Variants in KCNK17 observed in about 807,000 individuals in gnomAD.
KCNK17 encodes potassium two pore domain channel subfamily K member 17.
A neutral mutation model predicts 24.6 loss-of-function variants in KCNK17; 27 were observed. The ratio of observed to expected loss-of-function variants is 1.10; its 90% confidence interval spans 0.81 to 1.51. KCNK17 has a LOEUF of 1.51. KCNK17 is among the 40% of genes most tolerant of loss of function. The probability of loss-of-function intolerance (pLI) is 0.00; values close to 1 mark genes in which losing one functional copy is unlikely to be tolerated. For missense variants in KCNK17, 450 were observed against 436.6 expected (o/e 1.03, Z -0.27); for synonymous variants, 181 against 189.8 (o/e 0.95, Z 0.38).
At chr6:39,311,894 C>A (rs1194654875) in intron 1 of KCNK17, among the ~76,000 whole-genome samples, 1 of 152,202 alleles carries the variant, frequency 6.6e-6, no homozygotes, top group African/African-American at 2.4e-5. Flanking sequence ...TGAGGCCAAG[C>A]TGTGCTTGGC....
At chr6:39,313,042 G>A (rs1016286875) in intron 1 of KCNK17, among the ~76,000 whole-genome samples, 2 of 152,194 alleles carry the variant, frequency 1.3e-5, no homozygotes, top group African/African-American at 4.8e-5. Flanking sequence ...GACTCTGGAC[G>A]GATAAGCCAC....
intron 2 of KCNK17, among the ~76,000 whole-genome samples, chr6:39,306,976 A>G (rs1296092256): frequency 6.6e-6 from 1 of 151,844 alleles, no homozygotes; most frequent in Non-Finnish European, 1.5e-5. Flanking sequence ...GTTGGCCAGG[A>G]TGGTCTCAAT....
chr6:39,304,570 C>T lies in KCNK17; in HGVS notation c.438G>A (p.Val146=), dbSNP rs1038555535. 1 of 1,614,144 alleles carries T rather than the reference C, an allele frequency of 6.2e-7. No homozygotes were observed. Among genetic ancestry groups the T allele is most frequent in the South Asian group, 1.1e-5 (1 of 91,082 alleles). The part of the protein sequence containing the change: ...FALVGIPLNL[V]VLNRLGHLMQ... ...TGAGATGCCCCAGTCGGTTGAGCAC[C>T]ACGAGGTTGAGTGGGATCCCCACAA... The change falls in exon 3 of 5, where the codon GTG becomes GTA. Residue 146 remains valine (V), a synonymous_variant. Transcript: ENST00000373231.
intron 1 of KCNK17, among the ~76,000 whole-genome samples, chr6:39,312,594 G>A (rs1185203964): frequency 6.6e-6 from 1 of 152,168 alleles, no homozygotes; most frequent in Non-Finnish European, 1.5e-5. Flanking sequence ...CCACCTGTGA[G>A]GGTGAAACAG....
chr6:39,306,263 C>T (rs1330617405), intron 2 of KCNK17, among the ~76,000 whole-genome samples: 2 of 152,094 alleles, frequency 1.3e-5, no homozygotes, highest in Non-Finnish European at 2.9e-5. Flanking sequence ...AGGCTGGTCT[C>T]GAGCTCCTGA....
At chr6:39,305,502 G>A (rs995952788) in intron 2 of KCNK17, among the ~76,000 whole-genome samples, 5 of 152,072 alleles carry the variant, frequency 3.3e-5, no homozygotes, top group Non-Finnish European at 7.4e-5. Flanking sequence ...AGTTGGGGGG[G>A]TGGTCTCTGA....
intron 1 of KCNK17, 38 bp from the exon 2 acceptor site, chr6:39,311,045 G>T (rs1414835774): frequency 7.6e-7 from 1 of 1,310,692 alleles, no homozygotes; most frequent in East Asian, 2.4e-5. Context: ...GGCTCTGTGG[G>T]GTGATGGATT....
At position 39,314,234 on chromosome 6, in the gene KCNK17, G is replaced by A. The variant is rs1762221642; in HGVS notation, c.87C>T (p.Tyr29=). 6.5e-7 allele frequency: 1 copy of A among 1,538,056 alleles called. No individual in the cohort carries two copies. The highest frequency in any genetic ancestry group is 1.4e-5 in the African/African-American group (1 of 72,770). ...CGGTGCCCAGCGCCAGGTAAGCCAG[G>A]TAGGCGAGCAGCAGGAGCACGGTGC... is the stretch of plus-strand genomic sequence containing the variant. ...VPSTVLLLLA[Y]LAYLALGTGV... is the part of the protein sequence containing the mutation. The change falls in exon 1 of 5, where the codon TAC becomes TAT. Residue 29 remains tyrosine, a synonymous_variant. Coordinates refer to ENST00000373231, the MANE Select transcript of KCNK17 (RefSeq NM_031460.4).
Position 39,299,405 on chromosome 6 carries a change from A to G in KCNK17, c.*22T>C, listed in dbSNP as rs748568001. ...ATCAGGGGTCTTGCTACCGAGGACGACGACCAAAGAATGGAGTATAACTAG... is the reference window on the plus strand; with the variant it reads ...ATCAGGGGTCTTGCTACCGAGGACGGCGACCAAAGAATGGAGTATAACTAG... On this transcript the variant is annotated 3_prime_UTR_variant, in exon 5 of 5. Coordinates refer to ENST00000373231, the MANE Select transcript of KCNK17 (RefSeq NM_031460.4). 7 of 1,587,366 alleles carry G rather than the reference A, an allele frequency of 4.4e-6. No homozygotes were observed. Among genetic ancestry groups the G allele is most frequent in the Non-Finnish European group, 6.0e-6 (7 of 1,160,424 alleles).
intron 4 of KCNK17, among the ~76,000 whole-genome samples, chr6:39,301,610 C>T (rs1651271400): frequency 6.6e-6 from 1 of 152,264 alleles, no homozygotes; most frequent in Non-Finnish European, 1.5e-5. Flanking sequence ...AGGAGGCGCT[C>T]TTCTCCGTTT....
rs763944711 is a variant in KCNK17 at position 39,299,607 on chromosome 6, T to TAC, written c.817_818dup (p.Cys274TyrfsTer72). ...TAGAGCTGTGGTGGCAGCAGGAACA[T>TAC]ACCCTCCCTGGCGTCTCCAGCTGGG... On this transcript the variant is annotated frameshift_variant, in exon 5 of 5. Transcript: ENST00000373231. LOFTEE classifies it low-confidence loss of function (END_TRUNC). The TAC allele has an allele frequency of 1.9e-6, 3 of 1,614,000 alleles. No individual in the cohort carries two copies. The African/African-American group carries it at 4.0e-5, about 22-fold the overall frequency.
chr6:39,303,118 A>C (rs749538575), intron 4 of KCNK17, among the ~76,000 whole-genome samples: 5 of 152,208 alleles, frequency 3.3e-5, no homozygotes, highest in Non-Finnish European at 7.3e-5. Flanking sequence ...TTGTTGCTGT[A>C]GGTTGCCTGA....
chr6:39,313,680 AC>A (rs1398271750), intron 1 of KCNK17, among the ~76,000 whole-genome samples: 1 of 151,732 alleles, frequency 6.6e-6, no homozygotes, highest in East Asian at 2.0e-4. Context: ...GGTGCGACCA[AC>A]CCCCAAGCAG....
At chr6:39,309,298 T>C (rs1762090576) in intron 2 of KCNK17, among the ~76,000 whole-genome samples, 1 of 152,294 alleles carries the variant, frequency 6.6e-6, no homozygotes, top group African/African-American at 2.4e-5. Context: ...CACTCCAGCC[T>C]GGGTGACACA....
rs561754133 is a variant in KCNK17, at chr6:39,299,341, T to C, written c.*86A>G. 27 of 1,027,740 alleles carry C rather than the reference T, an allele frequency of 2.6e-5. No homozygotes were observed. The Admixed American group carries it at 2.8e-4, about 11-fold the overall frequency. 63.7% of individuals were successfully genotyped at this position (1,027,740 alleles called of 1,614,324 possible). On this transcript the variant is annotated 3_prime_UTR_variant, in exon 5 of 5. Coordinates refer to ENST00000373231, the MANE Select transcript of KCNK17 (RefSeq NM_031460.4). ...CCCAGCCTCTAGGGTGGATGGAAAA[T>C]GTAGTCTTTAGTTTGGGTGGACATG...
At chr6:39,304,232 G>C (rs1003157716) in intron 3 of KCNK17, 101 bp from the exon 4 acceptor site, 1 of 1,163,136 alleles carries the variant, frequency 8.6e-7, no homozygotes, top group African/African-American at 1.5e-5. Context: ...AGTAAGAAGG[G>C]GGCTCTTCAC....
intron 3 of KCNK17, 102 bp from the exon 4 acceptor site, chr6:39,304,233 G>A (rs1033337673): frequency 1.7e-6 from 2 of 1,155,054 alleles, no homozygotes; most frequent in Non-Finnish European, 1.2e-6. Context: ...GTAAGAAGGG[G>A]GCTCTTCACC....
chr6:39,307,614 A>C (rs1024666685), intron 2 of KCNK17, among the ~76,000 whole-genome samples: 4 of 152,130 alleles, frequency 2.6e-5, no homozygotes, highest in African/African-American at 9.7e-5. Context: ...TCTCAGGCTG[A>C]CATTAAATGG....
chr6:39,307,801 G>A (rs1309547751), intron 2 of KCNK17, among the ~76,000 whole-genome samples: 3 of 152,134 alleles, frequency 2.0e-5, no homozygotes, highest in Non-Finnish European at 4.4e-5. Context: ...AACCCTACAA[G>A]TCTATCTGTG....
Sources: allele counts gnomAD v4.1 joint callset (sites outside exome capture counted in the v4.1 genomes callset), GRCh38; gene constraint gnomAD v4.1.1; transcripts MANE v1.5; gene names NCBI Gene and HGNC (gene_info 2026-07-23, HGNC 2026-07-21).